Variants in MED24 observed in about 807,000 individuals in gnomAD.
The protein encoded by MED24 is mediator complex subunit 24.
Under a neutral mutation model 118.8 loss-of-function variants are expected in MED24, and 74 were observed. That is an observed-to-expected ratio of 0.62 (90% CI 0.52 to 0.76). MED24 has a LOEUF of 0.76. MED24 is among the 30% of genes least tolerant of loss of function. The pLI, the probability that MED24 is intolerant of heterozygous loss-of-function variation, is 0.00. For missense variants in MED24, 1,041 were observed against 1,278.9 expected, an observed-to-expected ratio of 0.81 and a Z score of 2.84; for synonymous variants, 521 against 523.9, an observed-to-expected ratio of 0.99 and a Z score of 0.08.
chr17:40,023,016 C>T (rs893514815), intron 20 of MED24, 115 bp downstream of exon 20: 8 of 1,440,572 alleles, frequency 5.6e-6, no homozygotes, highest in South Asian at 1.4e-5. Flanking sequence ...CGAGGCATTC[C>T]GGGGAGGCCA....
chr17:40,033,341 G>A lies in MED24; in HGVS notation c.671+4C>T. The A allele has an allele frequency of 1.2e-6, 2 of 1,612,922 alleles. No homozygotes were observed. Among genetic ancestry groups the A allele is most frequent in the South Asian group, 2.2e-5 (2 of 90,914 alleles). Reference sequence around the variant, plus strand: ...TTCTCCACCATCCCCCAGGGAGCCGGTACCTCCTAATGAGGGTGCCACACT... The same window carrying A: ...TTCTCCACCATCCCCCAGGGAGCCGATACCTCCTAATGAGGGTGCCACACT... On this transcript the variant is annotated splice_donor_region_variant and intron_variant, in intron 7 of 25. Coordinates refer to ENST00000394128, the MANE Select transcript of MED24 (RefSeq NM_014815.4). The surrounding 1 kb of genome is among the most constrained non-coding windows in gnomAD (Gnocchi z 5.2).
chr17:40,032,323 A>G, intron 9 of MED24: 2 of 583,130 alleles, frequency 3.4e-6, no homozygotes, highest in Non-Finnish European at 3.0e-6. Flanking sequence ...AGCTCAACAG[A>G]AAAAGATGCC....
rs62065210 is a variant in MED24 at position 40,027,304 on chromosome 17, G to A, written c.1530+79C>T. 4.6e-3 allele frequency: 6,750 copies of A among 1,455,698 alleles called. 24 individuals are homozygous for A. Among genetic ancestry groups the A allele is most frequent in the Non-Finnish European group, 5.4e-3 (5,817 of 1,072,152 alleles). The allele number at this position is 1,455,698 out of a possible 1,614,324, so 90.2% of individuals were successfully genotyped here. A position where few individuals can be genotyped will look rare whatever the true frequency, so the allele number is the denominator to read the frequency against. On this transcript the variant is annotated intron_variant, in intron 16 of 25. Transcript: ENST00000394128. ...AACTAACTGGCTGAGAGGCTGCGGG[G>A]GCGCAGGCAGTGAGGTGGGGAGAGT...
chr17:40,033,522 A>T lies in MED24; in HGVS notation c.560-66T>A. ...GGAGAGAAGGAGCACCTGGCCCTGA[A>T]CTCCTCGATTTTGGCACTCCCTCCG... is the stretch of plus-strand genomic sequence containing the variant. On this transcript the variant is annotated intron_variant, in intron 6 of 25. Coordinates refer to ENST00000394128, the MANE Select transcript of MED24 (RefSeq NM_014815.4). This position sits in a 1 kb window ranked among gnomAD's most constrained non-coding sequence, Gnocchi z 5.2. The T allele has an allele frequency of 7.2e-7, 1 of 1,391,950 alleles. No homozygotes were observed. The highest frequency in any genetic ancestry group is 9.9e-7 in the Non-Finnish European group (1 of 1,006,558). 86.2% of individuals were successfully genotyped at this position (1,391,950 alleles called of 1,614,324 possible).
In MED24 at chr17:40,026,891, C is replaced by T. The variant is rs1281258629; in HGVS notation, c.1674G>A (p.Val558=). ...TCTCCGAGGAGTTGTTGAGCAGGGC[C>T]ACCAGGGACTCCACTTTGGTGGAGT... ...RPDSTKVESL[V]ALLNNSSEMK... The change falls in exon 17 of 26, where the codon GTG becomes GTA. Residue 558 remains valine (V), a synonymous_variant. Transcript: ENST00000394128. The T allele has an allele frequency of 5.6e-6, 9 of 1,613,732 alleles. No homozygotes were observed. Among genetic ancestry groups the T allele is most frequent in the Non-Finnish European group, 6.8e-6 (8 of 1,179,944 alleles).
chr17:40,031,582 C>T lies in MED24; in HGVS notation c.1023G>A (p.Leu341=). The T allele has an allele frequency of 5.6e-6, 9 of 1,614,118 alleles. No homozygotes were observed. The highest frequency in any genetic ancestry group is 7.6e-6 in the Non-Finnish European group (9 of 1,180,012). Residue 341 remains leucine, a synonymous_variant, in exon 11 of 26, where the codon CTG becomes CTA. Coordinates refer to ENST00000394128, the MANE Select transcript of MED24 (RefSeq NM_014815.4). ...TEDVNCAFEF[L]LKLTPLLDKA... ...TGTCCAACAAGGGGGTGAGCTTCAGCAGGAACTCAAAAGCACAGTTGACAT... is the reference window on the plus strand; with the variant it reads ...TGTCCAACAAGGGGGTGAGCTTCAGTAGGAACTCAAAAGCACAGTTGACAT...
intron 5 of MED24, among the ~76,000 whole-genome samples, 169 bp downstream of exon 5, chr17:40,035,553 T>C (rs899946126): frequency 6.6e-6 from 1 of 152,100 alleles, no homozygotes; most frequent in African/African-American, 2.4e-5. Context: ...GGAGGCACTC[T>C]GTCCTAAGGG....
intron 3 of MED24, among the ~76,000 whole-genome samples, chr17:40,037,157 GGTGACAGA>G (rs1984033030): frequency 6.6e-6 from 1 of 151,784 alleles, no homozygotes; most frequent in Non-Finnish European, 1.5e-5. Flanking sequence ...CTCTAACCTG[GGTGACAGA>G]GTGAGACTCT....
intron 4 of MED24, 135 bp downstream of exon 4, chr17:40,035,981 T>C (rs1033370997): frequency 1.7e-6 from 2 of 1,170,482 alleles, no homozygotes; most frequent in African/African-American, 1.5e-5. Context: ...CCCCCTCCCA[T>C]GGAAGTCCAG....
chr17:40,022,078 T>G, intron 22 of MED24, 24 bp from the exon 23 acceptor site: 1 of 1,530,112 alleles, frequency 6.5e-7, no homozygotes, highest in Admixed American at 1.9e-5. Flanking sequence ...AAGTCACTGT[T>G]ATACACCCCT....
chr17:40,035,502 C>G (rs551913802), intron 5 of MED24, among the ~76,000 whole-genome samples, 153 bp from the exon 6 acceptor site: 52 of 152,270 alleles, frequency 3.4e-4, no homozygotes, highest in African/African-American at 1.3e-3. Context: ...CCCTTTGGCT[C>G]CTACTGGACA....
intron 8 of MED24, 133 bp downstream of exon 8, chr17:40,032,923 C>T (rs1289891367): frequency 1.0e-5 from 14 of 1,396,432 alleles, no homozygotes; most frequent in African/African-American, 1.4e-5. Flanking sequence ...GAAGTGTGCA[C>T]GACTGGCACC....
In MED24 at chr17:40,022,737, G is replaced by T; in HGVS notation, c.2340C>A (p.Thr780=). 1 of 1,613,900 alleles carries T rather than the reference G, an allele frequency of 6.2e-7. No homozygotes were observed. The highest frequency in any genetic ancestry group is 8.5e-7 in the Non-Finnish European group (1 of 1,179,970). The change falls in exon 21 of 26, where the codon ACC becomes ACA. Residue 780 remains threonine, a synonymous_variant. Transcript: ENST00000394128. ...GTAGGATGTGGCCCAGCAGGACCAG[G>T]GTCACTTGCTGCATGTCCAGGCAGA... ...SIFCLDMQQV[T]LVLLGHILPG...
chr17:40,022,309 C>A, intron 22 of MED24, 85 bp downstream of exon 22: 1 of 1,401,612 alleles, frequency 7.1e-7, no homozygotes, highest in Non-Finnish European at 9.9e-7. Context: ...GCCACAACTG[C>A]TTCCCTTTGC....
In MED24 at chr17:40,035,195, A is replaced by T; in HGVS notation, c.481T>A (p.Cys161Ser). ...AGGGTTTTCTCCAGGCGCTGAAGGC[A>T]CATGGCAAGCTGCTTCTCCCCAGCG... The part of the protein sequence containing the change: ...PAAGEKQLAM[C>S]LQRLEKTLSS... The change falls in exon 6 of 26, where the codon TGC becomes AGC. Residue 161 changes from cysteine (C) to serine (S), a missense_variant. Physicochemically the swap from Cys to Ser is moderately radical, Grantham distance 112. Coordinates refer to ENST00000394128, the MANE Select transcript of MED24 (RefSeq NM_014815.4). 6.2e-7 allele frequency: 1 copy of T among 1,614,132 alleles called. No individual in the cohort carries two copies. The highest frequency in any genetic ancestry group is 8.5e-7 in the Non-Finnish European group (1 of 1,180,022).
chr17:40,041,200 T>C (rs930608904), intron 3 of MED24, among the ~76,000 whole-genome samples: 1 of 152,232 alleles, frequency 6.6e-6, no homozygotes, highest in Non-Finnish European at 1.5e-5. Context: ...GATCCTTCTC[T>C]GTTCTGATCT....
chr17:40,026,996 G>T lies in MED24; in HGVS notation c.1569C>A (p.Pro523=), dbSNP rs770712637. ...AGGTCTGCATCCAGGTCTCGAAGAA[G>T]GGCACCTCAGCTCCTGTGCGCGACT... ...LSESRTGAEV[P]FFETWMQTCM... The change falls in exon 17 of 26, where the codon CCC becomes CCA. Residue 523 remains proline, a synonymous_variant. Transcript: ENST00000394128. 1 of 1,614,184 alleles carries T rather than the reference G, an allele frequency of 6.2e-7. No homozygotes were observed. Among genetic ancestry groups the T allele is most frequent in the Non-Finnish European group, 8.5e-7 (1 of 1,180,030 alleles).
intron 19 of MED24, 124 bp from the exon 20 acceptor site, chr17:40,023,519 C>T: frequency 1.0e-6 from 1 of 984,634 alleles, no homozygotes; most frequent in Non-Finnish European, 1.5e-6. Context: ...GAGGCATTAA[C>T]CCAGTTTTGC....
In MED24 at chr17:40,051,671, C is replaced by T. The variant is rs77695177; in HGVS notation, c.213+1627G>A. 5.4e-3 allele frequency among the ~76,000 whole-genome samples: 829 copies of T among 152,164 alleles called. 8 individuals are homozygous for T. The highest frequency in any genetic ancestry group is 8.5e-3 in the Non-Finnish European group (581 of 68,012). ...GGCGTGGTGGCTCATGCCTGCAATCCCAGCACTTTGGGAGGCCGAGGTGGG... is the reference window on the plus strand; with the variant it reads ...GGCGTGGTGGCTCATGCCTGCAATCTCAGCACTTTGGGAGGCCGAGGTGGG... On this transcript the variant is annotated intron_variant, in intron 3 of 25. Coordinates refer to ENST00000394128, the MANE Select transcript of MED24 (RefSeq NM_014815.4).
Sources: gnomAD v4.1 joint callset for allele counts (sites outside exome capture counted in the v4.1 genomes callset) on GRCh38, gnomAD v4.1.1 for gene constraint, Gnocchi (gnomAD v3.1) non-coding constraint, MANE v1.5 for transcripts, NCBI Gene and HGNC (gene_info 2026-07-23, HGNC 2026-07-21) for gene names.